PICALM: variants seen among roughly 807,000 people sequenced by gnomAD.
The protein encoded by PICALM is phosphatidylinositol-binding clathrin assembly protein.
A neutral mutation model predicts 80.5 loss-of-function variants in PICALM; 40 were observed. The observed-to-expected ratio is 0.50, with a 90% confidence interval of 0.39 to 0.65. The LOEUF (loss-of-function observed/expected upper bound fraction) is 0.65. PICALM is among the 30% of genes least tolerant of loss of function. The pLI, the probability that PICALM is intolerant of heterozygous loss-of-function variation, is 0.00. For missense variants in PICALM, 676 were observed against 778.9 expected, an observed-to-expected ratio of 0.87 and a Z score of 1.57; for synonymous variants, 288 against 260.3, an observed-to-expected ratio of 1.11 and a Z score of -1.02.
At chr11:86,043,182 A>T (rs2096005445) in intron 1 of PICALM, among the ~76,000 whole-genome samples, 1 of 152,230 alleles carries the variant, frequency 6.6e-6, no homozygotes, top group South Asian at 2.1e-4. Context: ...ATACACTACC[A>T]GTAGCAGCTA....
At chr11:85,986,363 T>C (rs947748450) in intron 13 of PICALM, among the ~76,000 whole-genome samples, 2 of 138,858 alleles carry the variant, frequency 1.4e-5, no homozygotes, top group Non-Finnish European at 3.0e-5. Context: ...TGCCAACTTT[T>C]AATTTTTTTT....
intron 1 of PICALM, among the ~76,000 whole-genome samples, chr11:86,036,084 A>C (rs894197473): frequency 6.6e-6 from 1 of 152,216 alleles, no homozygotes; most frequent in Non-Finnish European, 1.5e-5. Flanking sequence ...GAGTAGAAAC[A>C]AAAAGCATAT....
chr11:86,053,920 G>T (rs1371105754), intron 1 of PICALM, among the ~76,000 whole-genome samples: 1 of 152,082 alleles, frequency 6.6e-6, no homozygotes, highest in Admixed American at 6.5e-5. Flanking sequence ...ATGCACAAGT[G>T]ACAATATATC....
upstream of PICALM, chr11:86,069,591 G>GT (rs2096489441): frequency 6.6e-6 from 1 of 152,306 alleles, no homozygotes; most frequent in African/African-American, 2.4e-5. Flanking sequence ...AGTCAAGAAT[G>GT]TATTTCAAGA....
At chr11:85,981,655 GA>G (rs2094446383) in intron 16 of PICALM, 89 bp downstream of exon 16, 1 of 900,682 alleles carries the variant, frequency 1.1e-6, no homozygotes, top group African/African-American at 1.7e-5. Context: ...ACATATTTTT[GA>G]GAGGAAAGCC....
intron 1 of PICALM, among the ~76,000 whole-genome samples, chr11:86,032,497 G>A (rs192210990): frequency 3.4e-3 from 519 of 152,202 alleles, no homozygotes; most frequent in African/African-American, 0.012. Context: ...TTGGTGGCGG[G>A]CATGGGTAAT....
chr11:86,020,423 G>A (rs1200522095), intron 4 of PICALM, among the ~76,000 whole-genome samples: 3 of 67,630 alleles, frequency 4.4e-5, no homozygotes, highest in Non-Finnish European at 6.8e-5. Context: ...AACAATCTTG[G>A]GAAAAAAAAA....
At chr11:86,021,243 C>G (rs2095557203) in intron 4 of PICALM, among the ~76,000 whole-genome samples, 3 of 152,060 alleles carry the variant, frequency 2.0e-5, no homozygotes, top group Non-Finnish European at 4.4e-5. Flanking sequence ...CCCAGCTACT[C>G]AGCAGGCTGA....
chr11:86,046,888 T>C (rs1046514120), intron 1 of PICALM, among the ~76,000 whole-genome samples: 2 of 152,204 alleles, frequency 1.3e-5, no homozygotes, highest in Non-Finnish European at 2.9e-5. Context: ...TCCTCCCACT[T>C]TGGCCTCCCA....
chr11:86,029,586 T>C (rs1168330906), intron 2 of PICALM, among the ~76,000 whole-genome samples: 1 of 152,224 alleles, frequency 6.6e-6, no homozygotes, highest in Admixed American at 6.5e-5. Flanking sequence ...TTTATTAACA[T>C]TTTGCCTCTA....
At chr11:86,046,031 A>T (rs1593303935) in intron 1 of PICALM, among the ~76,000 whole-genome samples, 1 of 152,188 alleles carries the variant, frequency 6.6e-6, no homozygotes, top group African/African-American at 2.4e-5. Context: ...ATTGGCAGGT[A>T]TCTTGTTTTT....
At chr11:85,972,633 A>G (rs567613498) in intron 19 of PICALM, among the ~76,000 whole-genome samples, 1 of 152,230 alleles carries the variant, frequency 6.6e-6, no homozygotes, top group Non-Finnish European at 1.5e-5. Context: ...GTTTAACTAC[A>G]TATCAGGAAA....
At chr11:86,009,660 C>T (rs186468143) in intron 7 of PICALM, among the ~76,000 whole-genome samples, 504 of 152,274 alleles carry the variant, frequency 3.3e-3, no homozygotes, top group African/African-American at 0.012. Context: ...CCATTGCACT[C>T]CAGCCTAGGG....
At chr11:86,008,951 C>A (rs3016331) in intron 7 of PICALM, among the ~76,000 whole-genome samples, 128,466 of 133,310 alleles carry the variant, frequency 0.96, 61,859 homozygotes, top group Non-Finnish European at 0.99. Context: ...AAAAAAAAAG[C>A]CAAAAAAAAA....
rs199506085 is a variant in PICALM at position 85,990,369 on chromosome 11, T to A, written c.1289A>T (p.Asp430Val). 1.2e-5 allele frequency: 19 copies of A among 1,608,238 alleles called. No homozygotes were observed. In the East Asian group the frequency reaches 1.3e-4, roughly 11 times the overall value. Reference protein sequence around the residue: ...DPFSATVDAVDDAIPSLNPFL... With the variant: ...DPFSATVDAVVDAIPSLNPFL... ...AGGATTTAAGCTTGGAATGGCATCA[T>A]CAACAGCATCTACAGTAGCAGAGAA... The change falls in exon 13 of 20, where the codon GAT becomes GTT. Residue 430 changes from aspartate (D) to valine (V), a missense_variant. This residue lies in a region of PICALM where 391 missense variants were observed against 383.6 expected (regional missense o/e 1.02). Coordinates refer to ENST00000393346, the MANE Select transcript of PICALM (RefSeq NM_007166.4).
chr11:86,054,566 T>A (rs490507), intron 1 of PICALM, among the ~76,000 whole-genome samples: 38,667 of 152,042 alleles, frequency 0.25, 5,134 homozygotes, highest in African/African-American at 0.32. Flanking sequence ...CTGCTTATCA[T>A]CTGCAAATCA....
intron 1 of PICALM, among the ~76,000 whole-genome samples, chr11:86,066,744 T>C (rs1479099109): frequency 1.7e-5 from 2 of 118,072 alleles, no homozygotes; most frequent in Non-Finnish European, 3.5e-5. Flanking sequence ...CATACTCCCA[T>C]ACAAAAAAAA....
At chr11:86,038,921 C>G (rs2095895087) in intron 1 of PICALM, among the ~76,000 whole-genome samples, 1 of 151,942 alleles carries the variant, frequency 6.6e-6, no homozygotes, top group Non-Finnish European at 1.5e-5. Context: ...ACCAGCCTGG[C>G]CAACATGGTG....
intron 19 of PICALM, among the ~76,000 whole-genome samples, chr11:85,967,752 C>T (rs912185964): frequency 2.0e-5 from 3 of 151,546 alleles, no homozygotes; most frequent in Non-Finnish European, 4.4e-5. Context: ...CAAAACGAAA[C>T]CTAAAAGCAG....
Sources: allele counts gnomAD v4.1 joint callset (sites outside exome capture counted in the v4.1 genomes callset), GRCh38; gene constraint gnomAD v4.1.1; regional missense constraint gnomAD v4.1.1; transcripts MANE v1.5; gene names NCBI Gene and HGNC (gene_info 2026-07-23, HGNC 2026-07-21).